NAPA: variants seen among roughly 807,000 people sequenced by gnomAD.
NAPA encodes the protein NSF attachment protein alpha.
Under a neutral mutation model 48.0 loss-of-function variants are expected in NAPA, and 18 were observed. The ratio of observed to expected loss-of-function variants is 0.38; its 90% CI spans 0.26 to 0.56. The LOEUF (loss-of-function observed/expected upper bound fraction) is 0.56, where lower values mean the gene tolerates loss of function less well. NAPA is among the 20% of genes least tolerant of loss of function. The pLI, the probability that NAPA is intolerant of heterozygous loss-of-function variation, is 0.77. For synonymous variants in NAPA, 152 were observed against 149.9 expected (o/e 1.01, Z -0.10); for missense variants, 315 against 385.0 (o/e 0.82, Z 1.52).
chr19:47,484,940 T>C (rs1421505888), downstream of NAPA, among the ~76,000 whole-genome samples: 1 of 152,136 alleles, frequency 6.6e-6, no homozygotes, highest in Non-Finnish European at 1.5e-5. Flanking sequence ...CCTCAGGTGA[T>C]CCGCCCACCT....
chr19:47,495,487 G>A (rs949222034), intron 4 of NAPA, 63 bp downstream of exon 4: 12 of 1,519,276 alleles, frequency 7.9e-6, no homozygotes, highest in Non-Finnish European at 1.1e-5. Flanking sequence ...CTGAAAGAGG[G>A]GACGCAAGGC....
chr19:47,486,532 C>T (rs928044525), downstream of NAPA, among the ~76,000 whole-genome samples: 9 of 152,278 alleles, frequency 5.9e-5, no homozygotes, highest in East Asian at 1.7e-3. Context: ...AACTCTTGAC[C>T]TCAAGTGATC....
chr19:47,488,238 T>C lies in NAPA; in HGVS notation c.*50A>G. On this transcript the variant is annotated 3_prime_UTR_variant, in exon 11 of 11. Coordinates refer to ENST00000263354, the MANE Select transcript of NAPA (RefSeq NM_003827.4). ...CTCCAGCAAGTCTCGGCCCCACCTC[T>C]CTCTGAGCAGATGGGACAGGAAGAC... 1 of 1,517,710 alleles carries C rather than the reference T, an allele frequency of 6.6e-7. No homozygotes were observed. The highest frequency in any genetic ancestry group is 9.1e-7 in the Non-Finnish European group (1 of 1,104,122). The allele number at this position is 1,517,710 out of a possible 1,614,324, so 94.0% of individuals were successfully genotyped here.
At chr19:47,511,790 C>A (rs1041587565) in intron 1 of NAPA, among the ~76,000 whole-genome samples, 1 of 152,218 alleles carries the variant, frequency 6.6e-6, no homozygotes, top group Non-Finnish European at 1.5e-5. Flanking sequence ...GCAGGTTGAG[C>A]CTGGCCCAGG....
chr19:47,500,524 A>C, intron 3 of NAPA, 109 bp downstream of exon 3: 1 of 827,460 alleles, frequency 1.2e-6, no homozygotes. Flanking sequence ...AGCCTATCAC[A>C]TGTCGGCCAC....
In NAPA at chr19:47,488,319, G is replaced by GTCT; in HGVS notation, c.854_856dup (p.Lys285dup). On this transcript the variant is annotated inframe_insertion, in exon 11 of 11. Coordinates refer to ENST00000263354, the MANE Select transcript of NAPA (RefSeq NM_003827.4). ...CAGGTCCTCCTCATCGCCCTGGATG[G>GTCT]TCTTCTTGATGCGCAGCAGCATGGT... The GTCT allele has an allele frequency of 6.2e-7, 1 of 1,613,676 alleles. No individual in the cohort carries two copies. Among genetic ancestry groups the GTCT allele is most frequent in the South Asian group, 1.1e-5 (1 of 91,078 alleles).
At chr19:47,509,907 C>T (rs1192451560) in intron 1 of NAPA, among the ~76,000 whole-genome samples, 1 of 152,192 alleles carries the variant, frequency 6.6e-6, no homozygotes, top group East Asian at 1.9e-4. Context: ...CTTCCTTTTT[C>T]TTAAAAGGTG....
At chr19:47,488,461 C>A in intron 10 of NAPA, 72 bp from the exon 11 acceptor site, 8 of 1,267,394 alleles carry the variant, frequency 6.3e-6, no homozygotes, top group South Asian at 1.3e-5. Flanking sequence ...GGGCACTTGT[C>A]CCAAGGTTTT....
chr19:47,496,661 G>C (rs948232286), intron 3 of NAPA: 3 of 279,032 alleles, frequency 1.1e-5, no homozygotes, highest in Non-Finnish European at 2.2e-5. Context: ...ATGTTCGCCT[G>C]AGAAGAGGGT....
chr19:47,503,258 A>G (rs986130706), intron 2 of NAPA, 165 bp downstream of exon 2: 6 of 652,450 alleles, frequency 9.2e-6, no homozygotes, highest in African/African-American at 9.1e-5. Flanking sequence ...GTATAAAGTA[A>G]CCCAGCAGGC....
intron 10 of NAPA, chr19:47,489,245 G>C (rs1361245915): frequency 5.9e-6 from 1 of 169,828 alleles, no homozygotes; most frequent in Admixed American, 5.6e-5. Flanking sequence ...AGAAAGGGAA[G>C]GGAGAGAGAG....
At chr19:47,499,996 G>A (rs762150296) in intron 3 of NAPA, among the ~76,000 whole-genome samples, 4 of 152,132 alleles carry the variant, frequency 2.6e-5, no homozygotes, top group Non-Finnish European at 5.9e-5. Context: ...TAAAATTCCC[G>A]CCACATGCAA....
chr19:47,487,354 A>T (rs1391884454), downstream of NAPA, among the ~76,000 whole-genome samples: 8 of 152,106 alleles, frequency 5.3e-5, 1 homozygote, highest in Non-Finnish European at 1.2e-4. Context: ...GGGTGGCATC[A>T]CCACCGTGCA....
intron 10 of NAPA, 38 bp downstream of exon 10, chr19:47,489,673 C>G: frequency 6.2e-7 from 1 of 1,611,924 alleles, no homozygotes; most frequent in Non-Finnish European, 8.5e-7. Flanking sequence ...GAGACCCATC[C>G]CCGTGAAGGG....
intron 1 of NAPA, among the ~76,000 whole-genome samples, chr19:47,514,079 C>T (rs1036035407): frequency 3.3e-5 from 5 of 151,870 alleles, no homozygotes; most frequent in African/African-American, 1.2e-4. Flanking sequence ...GAACTCCCCG[C>T]CTCAGATAAT....
At chr19:47,490,388 TGTGTGGGGTGGTGTGTGTGTAGC>T (rs1968219244) in intron 9 of NAPA, among the ~76,000 whole-genome samples, 2 of 143,234 alleles carry the variant, frequency 1.4e-5, no homozygotes, top group Non-Finnish European at 3.1e-5. Flanking sequence ...GTGTGTGGGG[TGTGTGGGGTGGTGTGTGTGTAGC>T]GTGTGGTGTG....
intron 9 of NAPA, among the ~76,000 whole-genome samples, chr19:47,490,449 GGTGTGGTGTGTGT>G (rs1968224824): frequency 1.1e-5 from 1 of 93,288 alleles, no homozygotes; most frequent in Admixed American, 1.3e-4. Context: ...TGATGTGTGT[GGTGTGGTGTGTGT>G]AGTGTATGTT....
chr19:47,500,840 T>C (rs1243765696), intron 2 of NAPA, 91 bp from the exon 3 acceptor site: 9 of 990,446 alleles, frequency 9.1e-6, no homozygotes, highest in Non-Finnish European at 1.3e-5. Flanking sequence ...TGGGTCGGGC[T>C]CTCGAGAATG....
In NAPA at chr19:47,489,432, C is replaced by A; in HGVS notation, c.786+279G>T. 3 of 503,588 alleles carry A rather than the reference C, an allele frequency of 6.0e-6. No individual in the cohort carries two copies. In the South Asian group the frequency reaches 8.1e-5, roughly 14 times the overall value. 31.2% of individuals were successfully genotyped at this position (503,588 alleles called of 1,614,324 possible). ...AGGAACCCTGGTCTTCAGAGGCAGACAGATGTGGCTCTGAACACCAGCTCT... is the reference window on the plus strand; with the variant it reads ...AGGAACCCTGGTCTTCAGAGGCAGAAAGATGTGGCTCTGAACACCAGCTCT... On this transcript the variant is annotated intron_variant, in intron 10 of 10. Coordinates refer to ENST00000263354, the MANE Select transcript of NAPA (RefSeq NM_003827.4).
Sources: gnomAD v4.1 joint callset for allele counts (sites outside exome capture counted in the v4.1 genomes callset) on GRCh38, gnomAD v4.1.1 for gene constraint, MANE v1.5 for transcripts, NCBI Gene and HGNC (gene_info 2026-07-23, HGNC 2026-07-21) for gene names.